The following INTS1 variants were observed in gnomAD, a reference collection of about 807,000 sequenced individuals.
INTS1 encodes integrator complex subunit 1.
Under a neutral mutation model 241.6 loss-of-function variants are expected in INTS1, and 137 were observed. That is an observed-to-expected ratio of 0.57 (90% confidence interval 0.49 to 0.65). The LOEUF (loss-of-function observed/expected upper bound fraction) is 0.65. Ranked by LOEUF, INTS1 falls within the 30% of genes least tolerant of loss-of-function variation. The pLI, the probability that INTS1 is intolerant of heterozygous loss-of-function variation, is 0.00. For missense variants in INTS1, 3,073 were observed against 3,032.2 expected, an observed-to-expected ratio of 1.01 and a Z score of -0.32; for synonymous variants, 1,692 against 1,337.8, an observed-to-expected ratio of 1.26 and a Z score of -5.78.
At chr7:1,498,943 G>GGGTATCCACACAAACAACCAAGACAC in intron 8 of INTS1, 32 bp downstream of exon 8, 1 of 1,070,748 alleles carries the variant, frequency 9.3e-7, no homozygotes. Flanking sequence ...CCCACCCCCT[G>GGGTATCCACACAAACAACCAAGACAC]CCCCGCCCAC....
Position 1,474,789 on chromosome 7 carries a change from T to C in INTS1, c.5552A>G (p.Asp1851Gly), listed in dbSNP as rs1403278190. 1.3e-6 allele frequency: 2 copies of C among 1,584,500 alleles called. No individual in the cohort carries two copies. Among genetic ancestry groups the C allele is most frequent in the Admixed American group, 1.8e-5 (1 of 56,352 alleles). The part of the protein sequence containing the change: ...RFITLLADTS[D>G]SRALENRGAD... ...CCCTCGGTTCTCCAACGCCCGGGAG[T>C]CGCTGGTGTCCGCAAGGAGCGTGAT... Residue 1851 changes from aspartate (D) to glycine (G), a missense_variant, in exon 40 of 48, where the codon GAC becomes GGC. Transcript: ENST00000404767.
chr7:1,502,002 T>C (rs560622311), intron 3 of INTS1, among the ~76,000 whole-genome samples: 13 of 152,174 alleles, frequency 8.5e-5, no homozygotes, highest in Non-Finnish European at 1.3e-4. Flanking sequence ...GCCTCCTCCC[T>C]TCCAGGGCCG....
In INTS1 at chr7:1,487,302, T is replaced by C. The variant is rs1583128991; in HGVS notation, c.2646+18A>G. On this transcript the variant is annotated intron_variant, in intron 20 of 47. Coordinates refer to ENST00000404767, the MANE Select transcript of INTS1 (RefSeq NM_001080453.3). ...TCCCAAGACCACCATCTCTACCTCC[T>C]GGAGCCTCGGCACTCACCTGCCGCT... 1.3e-6 allele frequency: 2 copies of C among 1,575,604 alleles called. No homozygotes were observed. Among genetic ancestry groups the C allele is most frequent in the Non-Finnish European group, 1.7e-6 (2 of 1,161,074 alleles).
chr7:1,499,083 G>C lies in INTS1; in HGVS notation c.1029C>G (p.Ile343Met). 1.2e-6 allele frequency: 2 copies of C among 1,609,598 alleles called. No individual in the cohort carries two copies. Among genetic ancestry groups the C allele is most frequent in the Non-Finnish European group, 8.5e-7 (1 of 1,179,096 alleles). Residue 343 changes from isoleucine to methionine, a missense_variant, in exon 8 of 48, where the codon ATC (isoleucine) becomes ATG (methionine). Physicochemically the swap from Ile to Met is conservative, Grantham distance 10. Coordinates refer to ENST00000404767, the MANE Select transcript of INTS1 (RefSeq NM_001080453.3). ...LRDQLNRRQP[I>M]DNVSRNLLRL... ...GCAGGAGGTTCCTGGAGACGTTGTC[G>C]ATGGGCTGGCGCCGGTTCAGCTGGT...
At chr7:1,475,385 A>T (rs1008582696) in intron 39 of INTS1, among the ~76,000 whole-genome samples, 1 of 152,002 alleles carries the variant, frequency 6.6e-6, no homozygotes, top group Non-Finnish European at 1.5e-5. Context: ...TGCCTCAAAA[A>T]CCCTCCACAA....
In INTS1 at chr7:1,502,920, T is replaced by C. The variant is rs1783262945; in HGVS notation, c.330A>G (p.Pro110=). Residue 110 remains proline, a synonymous_variant, in exon 3 of 48, where the codon CCA becomes CCG. Transcript: ENST00000404767. ...CATTACCTTCAATTGGCACCACAGA[T>C]GGCTCTTTAATCGACGGAGAAATGG... ...KRAISPSIKE[P]SVVPIEVLPT... is the part of the protein sequence containing the mutation. The C allele has an allele frequency of 1.2e-6, 2 of 1,613,848 alleles. No individual in the cohort carries two copies. Among genetic ancestry groups the C allele is most frequent in the African/African-American group, 1.3e-5 (1 of 75,040 alleles).
rs1782916898 is a variant in INTS1 at position 1,497,410 on chromosome 7, C to T, written c.1426-96G>A. The T allele has an allele frequency of 2.3e-6, 3 of 1,330,332 alleles. No homozygotes were observed. Among genetic ancestry groups the T allele is most frequent in the South Asian group, 2.9e-5 (2 of 68,242 alleles). The allele number at this position is 1,330,332 out of a possible 1,614,324, so 82.4% of individuals were successfully genotyped here. ...CACCAACAGGTATGGCGCCCGAGGG[C>T]GCTGCAGTGGGTCTCAGACAGTGTG... On this transcript the variant is annotated intron_variant, in intron 10 of 47. Coordinates refer to ENST00000404767, the MANE Select transcript of INTS1 (RefSeq NM_001080453.3). This position sits in a 1 kb window ranked among gnomAD's most constrained non-coding sequence, Gnocchi z 5.3.
At chr7:1,478,985 C>T (rs1157130693) in intron 31 of INTS1, 100 bp from the exon 32 acceptor site, 68 of 1,343,716 alleles carry the variant, frequency 5.1e-5, no homozygotes, top group Non-Finnish European at 6.0e-5. Flanking sequence ...TGAGACCTGC[C>T]GCGACCGGCA....
intron 22 of INTS1, among the ~76,000 whole-genome samples, chr7:1,486,068 T>C (rs1782250938): frequency 6.6e-6 from 1 of 151,934 alleles, no homozygotes; most frequent in South Asian, 2.1e-4. Context: ...CCCAAGTAGC[T>C]GGGAACACAG....
In INTS1 at chr7:1,487,334, TGTG is replaced by T; in HGVS notation, c.2629_2631del (p.His877del). The T allele has an allele frequency of 6.2e-7, 1 of 1,601,886 alleles. No individual in the cohort carries two copies. Among genetic ancestry groups the T allele is most frequent in the Non-Finnish European group, 8.5e-7 (1 of 1,174,682 alleles). The stretch of plus-strand genomic sequence containing the variant: ...TCGGCACTCACCTGCCGCTGGATGA[TGTG>T]GAGGAGAAAGTCAGGGTTTCGGCTG... On this transcript the variant is annotated inframe_deletion, in exon 20 of 48. Coordinates refer to ENST00000404767, the MANE Select transcript of INTS1 (RefSeq NM_001080453.3).
chr7:1,483,927 A>G, intron 25 of INTS1, 74 bp from the exon 26 acceptor site: 6 of 1,585,092 alleles, frequency 3.8e-6, no homozygotes, highest in African/African-American at 1.3e-5. Flanking sequence ...CCCAGCTGGC[A>G]CCGAGCGTGC....
chr7:1,481,497 G>A lies in INTS1; in HGVS notation c.3704-9C>T. 6.2e-7 allele frequency: 1 copy of A among 1,601,060 alleles called. No individual in the cohort carries two copies. Among genetic ancestry groups the A allele is most frequent in the South Asian group, 1.1e-5 (1 of 90,768 alleles). On this transcript the variant is annotated splice_polypyrimidine_tract_variant and intron_variant, in intron 27 of 47. Coordinates refer to ENST00000404767, the MANE Select transcript of INTS1 (RefSeq NM_001080453.3). The surrounding 1 kb of genome is among the most constrained non-coding windows in gnomAD (Gnocchi z 6.8). ...CTCCAGGTCCTGCAGGGCTGAGGGT[G>A]CACGCGCTCCGTAACGCCACCCAAA...
Position 1,482,616 on chromosome 7 carries a change from C to T in INTS1, c.3633G>A (p.Glu1211=), listed in dbSNP as rs1044439319. The part of the protein sequence containing the change: ...PTAFLVDTSE[E]ALLLPDWLKL... ...TCAGCCAGTCAGGAAGCAGCAGCGC[C>T]TCCTCCGATGTGTCCACCAGGAAGG... Residue 1211 remains glutamate, a synonymous_variant, in exon 27 of 48, where the codon GAG becomes GAA. Transcript: ENST00000404767. 3 of 1,612,898 alleles carry T rather than the reference C, an allele frequency of 1.9e-6. No homozygotes were observed. Among genetic ancestry groups the T allele is most frequent in the African/African-American group, 2.7e-5 (2 of 75,090 alleles).
intron 26 of INTS1, 36 bp from the exon 27 acceptor site, chr7:1,482,743 C>A: frequency 6.2e-7 from 1 of 1,602,360 alleles, no homozygotes; most frequent in Non-Finnish European, 8.5e-7. Context: ...GCCTTCAGAC[C>A]CACCGGGGCC....
Position 1,480,838 on chromosome 7 carries a change from G to T in INTS1, c.3946C>A (p.Arg1316=), listed in dbSNP as rs1422834231. The change falls in exon 29 of 48, where the codon CGA becomes AGA. Residue 1316 remains arginine, a synonymous_variant. Coordinates refer to ENST00000404767, the MANE Select transcript of INTS1 (RefSeq NM_001080453.3). ...SLLTASLPPR[R]DSTEAPKPKS... is the part of the protein sequence containing the mutation. ...TGGCCCCACCCCTCCCCAGTACCTC[G>T]GCGGGGCGGCAGGGAGGCTGTGAGC... The T allele has an allele frequency of 1.5e-5, 23 of 1,550,844 alleles. No homozygotes were observed. The highest frequency in any genetic ancestry group is 1.8e-5 in the Non-Finnish European group (21 of 1,148,108).
intron 1 of INTS1, 58 bp from the exon 2 acceptor site, chr7:1,504,059 T>G: frequency 1.1e-6 from 1 of 913,576 alleles, no homozygotes; most frequent in Non-Finnish European, 1.6e-6. Flanking sequence ...CGCTCGCTCA[T>G]TCGCTCCCTT....
At position 1,493,658 on chromosome 7, in the gene INTS1, T is replaced by C. The variant is rs1389427823; in HGVS notation, c.2068+96A>G. ...CCAGGACCCAGCTGAAGCGCAGCTT[T>C]GTGGAGCGCCCCAGAGGTGCGTGCC... On this transcript the variant is annotated intron_variant, in intron 15 of 47. Coordinates refer to ENST00000404767, the MANE Select transcript of INTS1 (RefSeq NM_001080453.3). This position sits in a 1 kb window ranked among gnomAD's most constrained non-coding sequence, Gnocchi z 5.3. 1 of 1,430,684 alleles carries C rather than the reference T, an allele frequency of 7.0e-7. No homozygotes were observed. Among genetic ancestry groups the C allele is most frequent in the Non-Finnish European group, 9.2e-7 (1 of 1,083,060 alleles). 88.6% of individuals were successfully genotyped at this position (1,430,684 alleles called of 1,614,324 possible).
chr7:1,478,100 G>T (rs1352891467), intron 33 of INTS1, among the ~76,000 whole-genome samples, 164 bp from the exon 34 acceptor site: 2 of 148,246 alleles, frequency 1.3e-5, no homozygotes, highest in South Asian at 4.3e-4. Flanking sequence ...CCGGAGAGGA[G>T]AGTGCGGCCG....
rs371637110 is a variant in INTS1, at chr7:1,476,464, G to T, written c.5152-9C>A. ...AGCTCCTCCCGCCGCTTCTGTAACG[G>T]GTGCCTGCATCAGCCCCGGAGCACC... is the stretch of plus-strand genomic sequence containing the variant. On this transcript the variant is annotated splice_polypyrimidine_tract_variant and intron_variant, in intron 37 of 47. Transcript: ENST00000404767. 3.1e-4 allele frequency: 486 copies of T among 1,576,816 alleles called. No homozygotes were observed. In the African/African-American group the frequency reaches 4.9e-3, roughly 16 times the overall value.
Sources: allele counts gnomAD v4.1 joint callset (sites outside exome capture counted in the v4.1 genomes callset), GRCh38; gene constraint gnomAD v4.1.1; non-coding constraint Gnocchi (gnomAD v3.1); transcripts MANE v1.5; gene names NCBI Gene and HGNC (gene_info 2026-07-23, HGNC 2026-07-21).